The following ZNF185 variants were observed in gnomAD, a reference collection of about 807,000 sequenced individuals.
ZNF185 encodes zinc finger protein 185.
ZNF185 carries 56 observed loss-of-function variants against 58.6 expected under a neutral mutation model. That is an observed-to-expected ratio of 0.95 (90% confidence interval 0.77 to 1.19). ZNF185 has a LOEUF of 1.19. ZNF185 is among the 50% of genes most tolerant of loss of function. The pLI is 0.00. For synonymous variants in ZNF185, 230 were observed against 215.9 expected, an observed-to-expected ratio of 1.07 and a Z score of -0.57; for missense variants, 627 against 573.5, an observed-to-expected ratio of 1.09 and a Z score of -0.95.
chrX:152,928,255 C>G (rs1376145664), intron 11 of ZNF185, among the ~76,000 whole-genome samples: 1 of 112,421 alleles, frequency 8.9e-6, no homozygotes, highest in African/African-American at 3.2e-5. Flanking sequence ...CTTTGGATAC[C>G]CTGGTGGGGT....
intron 14 of ZNF185, among the ~76,000 whole-genome samples, chrX:152,934,996 G>T: frequency 9.1e-6 from 1 of 109,771 alleles, no homozygotes; most frequent in East Asian, 2.9e-4. Flanking sequence ...GCTAACTTTT[G>T]TATTTTTGGT....
intron 20 of ZNF185, 109 bp from the exon 23 acceptor site, chrX:152,969,273 C>A: frequency 1.7e-6 from 1 of 599,819 alleles, no homozygotes; most frequent in Non-Finnish European, 2.7e-6. Flanking sequence ...TCCTGGGGAT[C>A]CTGACAGCAA....
At chrX:152,965,651 T>A in intron 19 of ZNF185, 124 bp downstream of exon 21, 1 of 558,115 alleles carries the variant, frequency 1.8e-6, no homozygotes, top group Non-Finnish European at 2.9e-6. Context: ...AATTGTCGAG[T>A]GGATGAGTGA....
At chrX:152,931,226 A>C (rs112813633) in intron 12 of ZNF185, among the ~76,000 whole-genome samples, 26 of 112,391 alleles carry the variant, frequency 2.3e-4, no homozygotes, top group African/African-American at 8.1e-4. Flanking sequence ...GCTATTAGTA[A>C]TGAAGTTTTG....
the ZNF185 span, among the ~76,000 whole-genome samples, chrX:152,903,335 G>A: frequency 5.4e-5 from 5 of 92,563 alleles, no homozygotes; most frequent in Admixed American, 3.9e-4. Context: ...GTTGCAGTGA[G>A]CCAAGACTAT....
the ZNF185 span, among the ~76,000 whole-genome samples, chrX:152,905,158 T>C: frequency 8.8e-6 from 1 of 113,020 alleles, no homozygotes; most frequent in African/African-American, 3.2e-5. Flanking sequence ...TCTCATGACA[T>C]GACAGATGAT....
At chrX:152,951,146 C>T (rs1051764198) in intron 16 of ZNF185, among the ~76,000 whole-genome samples, 3 of 103,107 alleles carry the variant, frequency 2.9e-5, no homozygotes, top group Admixed American at 1.1e-4. Flanking sequence ...AGTGCAGTCG[C>T]GCGATCACCA....
chrX:152,957,725 G>A (rs1177431967), intron 16 of ZNF185, among the ~76,000 whole-genome samples: 3 of 112,505 alleles, frequency 2.7e-5, no homozygotes, highest in Non-Finnish European at 5.6e-5. Flanking sequence ...AGCTTATGGG[G>A]GCCCAAGCCC....
At chrX:152,945,160 A>G (rs1170777514) in intron 15 of ZNF185, 107 bp from the exon 18 acceptor site, 1 of 886,092 alleles carries the variant, frequency 1.1e-6, no homozygotes, top group Non-Finnish European at 1.6e-6. Flanking sequence ...TTTCAGGGAT[A>G]TGAGTCCCTC....
chrX:152,969,573 C>T lies in ZNF185; in HGVS notation c.1974+89C>T, dbSNP rs879971970. 3.6e-4 allele frequency: 254 copies of T among 698,953 alleles called. 4 individuals carry two copies. In the South Asian group the frequency reaches 4.7e-3, roughly 13 times the overall value. 57.6% of individuals were successfully genotyped at this position (698,953 alleles called of 1,213,427 possible). On this transcript the variant is annotated intron_variant, in intron 21 of 22. Transcript: ENST00000449285. ...CGTTTTGTAGAGTGCGGGAGTCTTA[C>T]GGGTTCAGAGACTGTGGAGGAGGCT...
chrX:152,903,773 G>A, the ZNF185 span, among the ~76,000 whole-genome samples: 1 of 111,680 alleles, frequency 9.0e-6, no homozygotes, highest in Non-Finnish European at 1.9e-5. Context: ...CGAGAAAATG[G>A]GCGCATGAAA....
At chrX:152,941,656 C>A (rs1181241122) in intron 15 of ZNF185, 4 of 1,157,920 alleles carry the variant, frequency 3.5e-6, no homozygotes, top group East Asian at 3.3e-5. Flanking sequence ...TTCTTGAAGC[C>A]CCGAACTCGG....
At chrX:152,936,641 T>A in intron 14 of ZNF185, 128 bp downstream of exon 16, 1 of 557,346 alleles carries the variant, frequency 1.8e-6, no homozygotes, top group Non-Finnish European at 2.9e-6. Flanking sequence ...TCACATCAGG[T>A]GATCACAGCA....
intron 16 of ZNF185, among the ~76,000 whole-genome samples, chrX:152,958,053 T>A (rs782422403): frequency 5.3e-4 from 60 of 112,184 alleles, no homozygotes; most frequent in Admixed American, 9.4e-4. Context: ...AATTTTTTTT[T>A]AAAATGCACT....
At chrX:152,913,749 C>T (rs1484222166), upstream of ZNF185, among the ~76,000 whole-genome samples, 3 of 112,438 alleles carry the variant, frequency 2.7e-5, no homozygotes, top group African/African-American at 9.7e-5. Flanking sequence ...TGAGGACCAC[C>T]GCGCCTCTCC....
intron 11 of ZNF185, among the ~76,000 whole-genome samples, chrX:152,924,973 C>T (rs781884970): frequency 1.2e-4 from 13 of 111,702 alleles, no homozygotes; most frequent in South Asian, 1.1e-3. Context: ...TGAGCCACCG[C>T]GCTTGGCCTC....
chrX:152,941,860 T>C (rs1351296693), intron 15 of ZNF185: 7 of 1,120,770 alleles, frequency 6.2e-6, no homozygotes, highest in South Asian at 2.1e-5. Context: ...CCAGAGTGGC[T>C]TTGGGGTGAC....
At chrX:152,963,194 G>C (rs1455385154) in intron 17 of ZNF185, among the ~76,000 whole-genome samples, 3 of 113,145 alleles carry the variant, frequency 2.7e-5, no homozygotes, top group Non-Finnish European at 5.6e-5. Context: ...GGCAGGCAGA[G>C]TGAGAGCCGA....
chrX:152,905,188 G>A, the ZNF185 span, among the ~76,000 whole-genome samples: 1 of 112,904 alleles, frequency 8.9e-6, no homozygotes, highest in African/African-American at 3.2e-5. Flanking sequence ...CTGGCTCTGC[G>A]CCGGGGCCTC....
Sources: gnomAD v4.1 joint callset for allele counts (sites outside exome capture counted in the v4.1 genomes callset) on GRCh38, gnomAD v4.1.1 for gene constraint, MANE v1.5 for transcripts, NCBI Gene and HGNC (gene_info 2026-07-23, HGNC 2026-07-21) for gene names.